Variants in LOC400499 observed in about 807,000 individuals in gnomAD.
chr16:11,415,874 A>G, the LOC400499 span, among the ~76,000 whole-genome samples: 1 of 152,064 alleles, frequency 6.6e-6, no homozygotes, highest in Admixed American at 6.6e-5. Flanking sequence ...GACTGGGGAC[A>G]ATTTCCCCAT....
At chr16:11,511,554 C>T in the LOC400499 span, among the ~76,000 whole-genome samples, 1 of 152,150 alleles carries the variant, frequency 6.6e-6, no homozygotes, top group Non-Finnish European at 1.5e-5. Context: ...CATGGATGAA[C>T]CTTAAACACC....
the LOC400499 span, among the ~76,000 whole-genome samples, chr16:11,454,944 C>A: frequency 1.3e-5 from 2 of 152,122 alleles, no homozygotes; most frequent in Non-Finnish European, 2.9e-5. Flanking sequence ...GTCTTTGGAG[C>A]AGGACTCAGG....
At chr16:11,447,429 A>T in the LOC400499 span, among the ~76,000 whole-genome samples, 1 of 152,200 alleles carries the variant, frequency 6.6e-6, no homozygotes, top group Non-Finnish European at 1.5e-5. Context: ...TGCCCAGAAG[A>T]GCACTTGGTC....
chr16:11,459,057 T>C, the LOC400499 span, among the ~76,000 whole-genome samples: 1 of 150,610 alleles, frequency 6.6e-6, no homozygotes, highest in East Asian at 2.0e-4. Flanking sequence ...AAAAATAAAA[T>C]AAATAAATAA....
At chr16:11,492,578 A>ACT in the LOC400499 span, among the ~76,000 whole-genome samples, 3 of 151,794 alleles carry the variant, frequency 2.0e-5, no homozygotes, top group African/African-American at 7.3e-5. Context: ...AGGTCAGGAG[A>ACT]TCGAGACCAT....
the LOC400499 span, among the ~76,000 whole-genome samples, chr16:11,380,342 G>A: frequency 1.2e-4 from 18 of 151,294 alleles, no homozygotes; most frequent in Admixed American, 7.2e-4. Flanking sequence ...TTCTCTGGCC[G>A]GACACAAGGC....
the LOC400499 span, among the ~76,000 whole-genome samples, chr16:11,426,674 A>T: frequency 1.3e-5 from 2 of 151,934 alleles, no homozygotes; most frequent in Non-Finnish European, 2.9e-5. Context: ...CATACCTGTA[A>T]TCCCAGCACT....
At chr16:11,383,413 G>A in the LOC400499 span, among the ~76,000 whole-genome samples, 1 of 152,142 alleles carries the variant, frequency 6.6e-6, no homozygotes, top group African/African-American at 2.4e-5. Flanking sequence ...AACTAATAGA[G>A]CAAGAACTCA....
At chr16:11,379,463 G>C in the LOC400499 span, among the ~76,000 whole-genome samples, 1 of 152,316 alleles carries the variant, frequency 6.6e-6, no homozygotes, top group Admixed American at 6.5e-5. Context: ...TATTAGTATA[G>C]CTACTCCTTC....
chr16:11,478,034 CG>C, the LOC400499 span: 2 of 398,522 alleles, frequency 5.0e-6, no homozygotes, highest in East Asian at 7.2e-5. Flanking sequence ...AAGCGGGGGC[CG>C]GGCTCGGTGG....
the LOC400499 span, among the ~76,000 whole-genome samples, chr16:11,504,865 G>A: frequency 1.3e-5 from 2 of 152,134 alleles, no homozygotes; most frequent in Non-Finnish European, 2.9e-5. Context: ...AGAGGTTACA[G>A]TGAGCCAAGA....
chr16:11,436,574 G>A, the LOC400499 span, among the ~76,000 whole-genome samples: 1 of 152,014 alleles, frequency 6.6e-6, no homozygotes, highest in Non-Finnish European at 1.5e-5. Context: ...TACAATCACA[G>A]GAAAAGTTTT....
chr16:11,456,969 G>C, the LOC400499 span: 1 of 1,536,124 alleles, frequency 6.5e-7, no homozygotes, highest in East Asian at 2.4e-5. Flanking sequence ...CTCCACATAG[G>C]GCAGGCGGAG....
the LOC400499 span, among the ~76,000 whole-genome samples, chr16:11,513,508 T>C: frequency 5.9e-5 from 9 of 152,224 alleles, no homozygotes; most frequent in Admixed American, 5.9e-4. Context: ...CTTGGCTCAC[T>C]GCACCTCCGC....
chr16:11,495,419 C>T, the LOC400499 span, among the ~76,000 whole-genome samples: 4 of 150,904 alleles, frequency 2.7e-5, no homozygotes, highest in Non-Finnish European at 5.9e-5. Flanking sequence ...CTTGCTCTCT[C>T]ATTCATCCTG....
the LOC400499 span, among the ~76,000 whole-genome samples, chr16:11,429,056 G>T: frequency 6.6e-6 from 1 of 152,132 alleles, no homozygotes. Context: ...AGTCCCTACT[G>T]AGGTTAAGGA....
chr16:11,384,300 G>A, the LOC400499 span: 2 of 1,232,406 alleles, frequency 1.6e-6, no homozygotes, highest in Non-Finnish European at 2.0e-6. Flanking sequence ...CATTGTCATT[G>A]GTGCCCAGAA....
chr16:11,512,922 G>A, the LOC400499 span, among the ~76,000 whole-genome samples: 2 of 152,094 alleles, frequency 1.3e-5, no homozygotes, highest in Non-Finnish European at 2.9e-5. Context: ...GAAATCCCAA[G>A]GTCCCATCTA....
chr16:11,478,194 A>AT, the LOC400499 span, among the ~76,000 whole-genome samples: 1 of 147,274 alleles, frequency 6.8e-6, no homozygotes, highest in African/African-American at 2.5e-5. Flanking sequence ...TGCCTGGCTA[A>AT]TTTTTGTGTT....
Sources: allele counts gnomAD v4.1 joint callset (sites outside exome capture counted in the v4.1 genomes callset), GRCh38; gene constraint gnomAD v4.1.1; transcripts MANE v1.5.